The following TET1 variants were observed in gnomAD, a reference collection of about 807,000 sequenced individuals.
TET1 encodes tet methylcytosine dioxygenase 1.
Under a neutral mutation model 148.7 loss-of-function variants are expected in TET1, and 13 were observed. The observed-to-expected ratio is 0.09, with a 90% CI of 0.06 to 0.14. The LOEUF (loss-of-function observed/expected upper bound fraction) is 0.14, where lower values mean the gene tolerates loss of function less well. Among genes scored for constraint, TET1 ranks in the 10% least tolerant of loss-of-function variants. The probability of loss-of-function intolerance (pLI) is 1.00; values close to 1 mark genes in which losing one functional copy is unlikely to be tolerated. For missense variants in TET1, 2,182 were observed against 2,553.8 expected (o/e 0.85, Z 3.14); for synonymous variants, 907 against 937.2 (o/e 0.97, Z 0.59).
At chr10:68,620,412 T>C (rs1310440157) in intron 3 of TET1, among the ~76,000 whole-genome samples, 1 of 152,228 alleles carries the variant, frequency 6.6e-6, no homozygotes, top group East Asian at 1.9e-4. Context: ...AATGGCATCA[T>C]ATAGTACGTG....
intron 2 of TET1, among the ~76,000 whole-genome samples, chr10:68,582,748 A>G (rs1316420168): frequency 6.6e-6 from 1 of 152,122 alleles, no homozygotes; most frequent in Non-Finnish European, 1.5e-5. Flanking sequence ...CATATGTTAC[A>G]TATGGCATAT....
At chr10:68,630,633 G>C (rs2054555517) in intron 3 of TET1, among the ~76,000 whole-genome samples, 3 of 152,160 alleles carry the variant, frequency 2.0e-5, no homozygotes, top group African/African-American at 7.2e-5. Context: ...GTTGACTTTT[G>C]TCTGGTGAAG....
chr10:68,578,419 C>G (rs964465756), intron 2 of TET1, among the ~76,000 whole-genome samples: 2 of 151,992 alleles, frequency 1.3e-5, no homozygotes, highest in Non-Finnish European at 2.9e-5. Context: ...CCACCATGCC[C>G]GGCTAATTTT....
chr10:68,657,185 C>CT (rs1196785096), intron 6 of TET1, among the ~76,000 whole-genome samples: 18 of 150,760 alleles, frequency 1.2e-4, no homozygotes, highest in Admixed American at 4.6e-4. Context: ...AATTTTTTTT[C>CT]TTTTTTTTTG....
chr10:68,629,337 C>T (rs1312143591), intron 3 of TET1, among the ~76,000 whole-genome samples: 1 of 151,582 alleles, frequency 6.6e-6, no homozygotes, highest in Non-Finnish European at 1.5e-5. Flanking sequence ...TGCACTCCAG[C>T]CTGGGCGACA....
In TET1 at chr10:68,645,679, T is replaced by C; in HGVS notation, c.2950T>C (p.Ser984Pro). 6.2e-7 allele frequency: 1 copy of C among 1,614,144 alleles called. No individual in the cohort carries two copies. The highest frequency in any genetic ancestry group is 1.1e-5 in the South Asian group (1 of 91,086). Residue 984 changes from serine to proline, a missense_variant, in exon 4 of 12, where the codon TCA becomes CCA. By Grantham distance (74) the Ser-to-Pro change is moderately conservative. Around this residue, in one of 11 missense-constraint regions of TET1, gnomAD observed 582 missense variants for 599.5 expected, o/e 0.97. Transcript: ENST00000373644. ...TTTLSNSHIN[S>P]ATNQASTKSH... The stretch of plus-strand genomic sequence containing the variant: ...TACCCTTTCCAACTCACATATCAAC[T>C]CAGCTACTAACCAAGCATCCACAAA...
chr10:68,690,448 A>G (rs1054799100), intron 11 of TET1, among the ~76,000 whole-genome samples: 1 of 152,148 alleles, frequency 6.6e-6, no homozygotes, highest in African/African-American at 2.4e-5. Flanking sequence ...TCTACTAAAA[A>G]ATACAAAAAA....
chr10:68,594,923 G>A (rs1478869859), intron 2 of TET1, among the ~76,000 whole-genome samples: 3 of 149,158 alleles, frequency 2.0e-5, no homozygotes, highest in South Asian at 2.1e-4. Context: ...AGGTTGCAGT[G>A]AGCAGAGATC....
chr10:68,598,771 A>G (rs1447760878), intron 2 of TET1, among the ~76,000 whole-genome samples: 1 of 150,158 alleles, frequency 6.7e-6, no homozygotes, highest in East Asian at 1.9e-4. Context: ...GCTCACTGCA[A>G]CTACTGTCTC....
At chr10:68,657,599 C>CTAGAAAA (rs765252342) in intron 6 of TET1, among the ~76,000 whole-genome samples, 1 of 152,172 alleles carries the variant, frequency 6.6e-6, no homozygotes, top group Non-Finnish European at 1.5e-5. Context: ...GGCCACTACA[C>CTAGAAAA]TCTAGCCTGA....
intron 2 of TET1, among the ~76,000 whole-genome samples, chr10:68,585,983 G>A (rs1422945368): frequency 6.7e-6 from 1 of 149,988 alleles, no homozygotes; most frequent in Admixed American, 6.7e-5. Flanking sequence ...ACTCCAGTCT[G>A]GTGACACAGA....
rs768003838 is a variant in TET1, at chr10:68,646,307, C to T, written c.3578C>T (p.Ser1193Leu). Reference protein sequence around the residue: ...YGTICDIWIASKFQNFGQFCP... With the variant: ...YGTICDIWIALKFQNFGQFCP... ...ACAATATGCGACATTTGGATAGCATCGAAATTTCAAAATTTTGGGCAATTT... is the reference window on the plus strand; with the variant it reads ...ACAATATGCGACATTTGGATAGCATTGAAATTTCAAAATTTTGGGCAATTT... The change falls in exon 4 of 12, where the codon TCG (serine) becomes TTG (leucine). Residue 1193 changes from serine to leucine, a missense_variant. Coordinates refer to ENST00000373644, the MANE Select transcript of TET1 (RefSeq NM_030625.3). 1.9e-6 allele frequency: 3 copies of T among 1,614,040 alleles called. No homozygotes were observed. The highest frequency in any genetic ancestry group is 1.7e-6 in the Non-Finnish European group (2 of 1,180,004).
At chr10:68,673,137 AAACT>A in intron 8 of TET1, 92 bp downstream of exon 8, 1 of 1,057,216 alleles carries the variant, frequency 9.5e-7, no homozygotes, top group South Asian at 2.6e-5. Context: ...AACACTATAA[AAACT>A]AAATATTGAA....
intron 2 of TET1, among the ~76,000 whole-genome samples, chr10:68,577,986 A>G (rs2053752129): frequency 6.6e-6 from 1 of 152,184 alleles, no homozygotes; most frequent in Non-Finnish European, 1.5e-5. Context: ...CTCAATAAAT[A>G]AATAAATAAC....
Position 68,690,823 on chromosome 10 carries a change from C to T in TET1, c.5420C>T (p.Thr1807Ile). 3 of 1,605,712 alleles carry T rather than the reference C, an allele frequency of 1.9e-6. No individual in the cohort carries two copies. The highest frequency in any genetic ancestry group is 2.6e-6 in the Non-Finnish European group (3 of 1,174,114). The change falls in exon 12 of 12, where the codon ACC becomes ATC. Residue 1807 changes from threonine to isoleucine, a missense_variant. Coordinates refer to ENST00000373644, the MANE Select transcript of TET1 (RefSeq NM_030625.3). ...CCTTGTTTAGGGAGTAACACTGAGA[C>T]CGTGCAACCTGAAGTAAAAAGTGAA... Reference protein sequence around the residue: ...SLPTLGSNTETVQPEVKSETE... With the variant: ...SLPTLGSNTEIVQPEVKSETE...
At chr10:68,568,348 G>A (rs1426135328) in intron 1 of TET1, among the ~76,000 whole-genome samples, 2 of 149,924 alleles carry the variant, frequency 1.3e-5, no homozygotes, top group African/African-American at 4.9e-5. Flanking sequence ...TCAGCCTCCC[G>A]AGTAGCTGGG....
At position 68,585,129 on chromosome 10, in the gene TET1, C is replaced by T. The variant is rs537846812; in HGVS notation, c.1914+10877C>T. Among the ~76,000 whole-genome samples, 11 of 152,216 alleles carry T rather than the reference C, an allele frequency of 7.2e-5. No individual in the cohort carries two copies. The South Asian group carries it at 2.3e-3, about 32-fold the overall frequency. On this transcript the variant is annotated intron_variant, in intron 2 of 11. Coordinates refer to ENST00000373644, the MANE Select transcript of TET1 (RefSeq NM_030625.3). ...AATCGATTCTCCTGCCTCAGCCTCC[C>T]GAGTAGCTGGGATTAAAGGCATGCG...
intron 3 of TET1, among the ~76,000 whole-genome samples, chr10:68,631,637 G>A (rs1031723034): frequency 1.3e-5 from 2 of 151,788 alleles, no homozygotes; most frequent in African/African-American, 4.8e-5. Context: ...AGCAGGGGAC[G>A]ATTTACAGAT....
chr10:68,614,057 A>G (rs564080662), intron 3 of TET1, among the ~76,000 whole-genome samples: 1 of 152,216 alleles, frequency 6.6e-6, no homozygotes, highest in Non-Finnish European at 1.5e-5. Flanking sequence ...CACCCATGAA[A>G]TCTGGTTTAT....
Sources: allele counts gnomAD v4.1 joint callset (sites outside exome capture counted in the v4.1 genomes callset), GRCh38; gene constraint gnomAD v4.1.1; regional missense constraint gnomAD v4.1.1; transcripts MANE v1.5; gene names NCBI Gene and HGNC (gene_info 2026-07-23, HGNC 2026-07-21).